MYH6: variants seen among roughly 807,000 people sequenced by gnomAD.
The protein encoded by MYH6 is myosin-6.
In MYH6, 126 loss-of-function variants were observed where a neutral mutation model predicts 223.2. That is an observed-to-expected ratio of 0.56 (90% CI 0.49 to 0.65). The LOEUF is 0.65. Ranked by LOEUF, MYH6 falls within the 30% of genes least tolerant of loss-of-function variation. The probability of loss-of-function intolerance (pLI) is 0.00; values close to 1 mark genes in which losing one functional copy is unlikely to be tolerated. For missense variants in MYH6, 2,040 were observed against 2,536.4 expected (o/e 0.80, Z 4.20); for synonymous variants, 978 against 1,010.2 (o/e 0.97, Z 0.61).
rs545420992 is a variant in MYH6, at chr14:23,390,321, G to A, written c.3468C>T (p.Gly1156=). The change falls in exon 26 of 39, where the codon GGC becomes GGT. Residue 1156 remains glycine, a synonymous_variant. Transcript: ENST00000405093. The stretch of plus-strand genomic sequence containing the variant: ...TCTCGATCTGCACGGACGTGGCCCC[G>A]CCGGCCTCTTCCAGCCGCTCGCTGA... ...EEISERLEEA[G]GATSVQIEMN... 2.9e-5 allele frequency: 46 copies of A among 1,606,584 alleles called. No individual in the cohort carries two copies. In the South Asian group the frequency reaches 2.9e-4, roughly 10 times the overall value.
intron 29 of MYH6, chr14:23,388,549 G>A (rs1312307846): frequency 1.1e-6 from 1 of 890,486 alleles, no homozygotes; most frequent in Non-Finnish European, 1.9e-6. Context: ...GGGTGTCAGT[G>A]CCCCCTGCCC....
rs759822161 is a variant in MYH6, at chr14:23,393,884, C to A, written c.2710G>T (p.Glu904Ter). The change falls in exon 22 of 39, where the codon GAG becomes TAG. Residue 904 changes from glutamate (E) to a stop codon, truncating the protein, a stop_gained. Transcript: ENST00000405093. LOFTEE classifies it high-confidence loss of function. Reference sequence around the variant, plus strand: ...TTGATCAGCTGGTCGCAGCGCTCCTCAGCATCATTGAGGTTGTCTTGTTCC... The same window carrying A: ...TTGATCAGCTGGTCGCAGCGCTCCTAAGCATCATTGAGGTTGTCTTGTTCC... ...QAEQDNLNDA[E>*]ERCDQLIKNK... is the part of the protein sequence containing the mutation. The A allele has an allele frequency of 6.2e-7, 1 of 1,614,210 alleles. No homozygotes were observed. Among genetic ancestry groups the A allele is most frequent in the East Asian group, 2.2e-5 (1 of 44,888 alleles).
Position 23,402,686 on chromosome 14 carries a change from C to T in MYH6, c.1002+11G>A. On this transcript the variant is annotated intron_variant, in intron 11 of 38. Coordinates refer to ENST00000405093, the MANE Select transcript of MYH6 (RefSeq NM_002471.4). ...GGTCCCTCGAACGGCCGCAGCAGCCCCCTCACTCACATCGGTGGCCATGAG... is the reference window on the plus strand; with the variant it reads ...GGTCCCTCGAACGGCCGCAGCAGCCTCCTCACTCACATCGGTGGCCATGAG... 1.2e-6 allele frequency: 2 copies of T among 1,613,544 alleles called. No homozygotes were observed. Among genetic ancestry groups the T allele is most frequent in the African/African-American group, 1.3e-5 (1 of 74,860 alleles).
Position 23,398,734 on chromosome 14 carries a change from C to A in MYH6, c.1885G>T (p.Asp629Tyr). 6.2e-7 allele frequency: 1 copy of A among 1,614,142 alleles called. No individual in the cohort carries two copies. Among genetic ancestry groups the A allele is most frequent in the South Asian group, 1.1e-5 (1 of 91,080 alleles). The change falls in exon 15 of 39, where the codon GAT becomes TAT. Residue 629 changes from aspartate to tyrosine, a missense_variant. Around this residue, in one of 4 missense-constraint regions of MYH6, gnomAD observed 649 missense variants for 877.3 expected, o/e 0.74. Transcript: ENST00000405093. ...ATLFSSYATA[D>Y]TGDSGKSKGG... ...GCAGGGGCTGCCTGCTTACCAGTATCGGCAGTTGCGTAGGAGGAGAAGAGA... is the reference window on the plus strand; with the variant it reads ...GCAGGGGCTGCCTGCTTACCAGTATAGGCAGTTGCGTAGGAGGAGAAGAGA...
In MYH6 at chr14:23,386,352, G is replaced by A. The variant is rs1242897954; in HGVS notation, c.4922C>T (p.Ala1641Val). The stretch of plus-strand genomic sequence containing the variant: ...CTGGAGGCTCTTGACTTGCTTCTGG[G>A]CCTCGGCAGCCATGCGGTTGGCGTG... The part of the protein sequence containing the change: ...LSHANRMAAE[A>V]QKQVKSLQSL... Residue 1641 changes from alanine (A) to valine (V), a missense_variant, in exon 33 of 39, where the codon GCC (alanine) becomes GTC (valine). Coordinates refer to ENST00000405093, the MANE Select transcript of MYH6 (RefSeq NM_002471.4). 1.2e-6 allele frequency: 2 copies of A among 1,613,998 alleles called. No individual in the cohort carries two copies. Among genetic ancestry groups the A allele is most frequent in the Non-Finnish European group, 1.7e-6 (2 of 1,180,044 alleles).
Position 23,405,912 on chromosome 14 carries a change from G to T in MYH6, c.202-142C>A. On this transcript the variant is annotated intron_variant, in intron 3 of 38. Coordinates refer to ENST00000405093, the MANE Select transcript of MYH6 (RefSeq NM_002471.4). This position sits in a 1 kb window ranked among gnomAD's most constrained non-coding sequence, Gnocchi z 4.7. The stretch of plus-strand genomic sequence containing the variant: ...TGACCAGTGCCCCGGCCCCTACCCC[G>T]ATGTCCCCTGGGACACTTTCCCCAG... 2.0e-6 allele frequency: 2 copies of T among 983,926 alleles called. No individual in the cohort carries two copies. Among genetic ancestry groups the T allele is most frequent in the African/African-American group, 1.6e-5 (1 of 62,846 alleles). The allele number at this position is 983,926 out of a possible 1,614,324, so 60.9% of individuals were successfully genotyped here.
intron 34 of MYH6, among the ~76,000 whole-genome samples, 182 bp from the exon 35 acceptor site, chr14:23,385,223 C>T (rs1164098173): frequency 2.0e-5 from 3 of 151,786 alleles, no homozygotes; most frequent in African/African-American, 7.3e-5. Context: ...ACATTCTAGA[C>T]ATTGTATCTA....
At position 23,405,248 on chromosome 14, in the gene MYH6, G is replaced by T. The variant is rs982752675; in HGVS notation, c.477C>A (p.Asp159Glu). The T allele has an allele frequency of 6.2e-6, 10 of 1,614,174 alleles. No homozygotes were observed. In the East Asian group the frequency reaches 2.2e-4, roughly 36 times the overall value. ...CTGTCAGCATGTACTGATAGGCGTT[G>T]TCGGAGATGGAGAAGATGTGGGGCG... ...EAPPHIFSIS[D>E]NAYQYMLTDR... Residue 159 changes from aspartate to glutamate, a missense_variant, in exon 5 of 39, where the codon GAC (aspartate) becomes GAA (glutamate). Physicochemically the swap from Asp to Glu is conservative, Grantham distance 45. Transcript: ENST00000405093. The surrounding 1 kb of genome is among the most constrained non-coding windows in gnomAD (Gnocchi z 4.7).
At chr14:23,389,932 G>T in intron 26 of MYH6, 125 bp downstream of exon 26, 1 of 1,585,812 alleles carries the variant, frequency 6.3e-7, no homozygotes, top group Non-Finnish European at 8.6e-7. Context: ...GGGGAGACAG[G>T]AAGAGAGACC....
rs2138599563 is a variant in MYH6, at chr14:23,394,122, C to T, written c.2631G>A (p.Glu877=). Residue 877 remains glutamate (E), a synonymous_variant, in exon 21 of 39, where the codon GAG becomes GAA. Transcript: ENST00000405093. ...KSEARRKELE[E]KMVSLLQEKN... ...TCTCCTGCAGCAGGGACACCATCTT[C>T]TCCTCCAGCTCCTTGCGGCGAGCCT... is the stretch of plus-strand genomic sequence containing the variant. 1 of 1,614,226 alleles carries T rather than the reference C, an allele frequency of 6.2e-7. No homozygotes were observed. The highest frequency in any genetic ancestry group is 8.5e-7 in the Non-Finnish European group (1 of 1,180,042).
At chr14:23,383,953 C>G (rs376178933) in intron 36 of MYH6, among the ~76,000 whole-genome samples, 35 of 152,252 alleles carry the variant, frequency 2.3e-4, no homozygotes, top group Middle Eastern at 6.8e-3. Flanking sequence ...GTCTCCTTGG[C>G]CTTTTCTTCC....
In MYH6 at chr14:23,405,020, T is replaced by C; in HGVS notation, c.530+80A>G. The C allele has an allele frequency of 6.2e-7, 1 of 1,603,468 alleles. No homozygotes were observed. The highest frequency in any genetic ancestry group is 8.5e-7 in the Non-Finnish European group (1 of 1,171,090). On this transcript the variant is annotated intron_variant, in intron 6 of 38. Coordinates refer to ENST00000405093, the MANE Select transcript of MYH6 (RefSeq NM_002471.4). The surrounding 1 kb of genome is among the most constrained non-coding windows in gnomAD (Gnocchi z 4.7). ...CTCCCTGCAATCCCAGCCTTAAACCTCTCCTCCCAACTACACCCTAGGCAT... is the reference window on the plus strand; with the variant it reads ...CTCCCTGCAATCCCAGCCTTAAACCCCTCCTCCCAACTACACCCTAGGCAT...
chr14:23,386,817 C>T (rs17091385), intron 32 of MYH6, among the ~76,000 whole-genome samples, 194 bp from the exon 33 acceptor site: 5,661 of 152,190 alleles, frequency 0.037, 316 homozygotes, highest in African/African-American at 0.12. Flanking sequence ...CTGGGCTTCC[C>T]CTGTCAAGAA....
Position 23,393,628 on chromosome 14 carries a change from A to C in MYH6, c.2928+38T>G, listed in dbSNP as rs1891304447. 6 of 1,614,058 alleles carry C rather than the reference A, an allele frequency of 3.7e-6. No individual in the cohort carries two copies. In the African/African-American group the frequency reaches 8.0e-5, roughly 22 times the overall value. ...ACAACACTCTAGTCTGGGAGTCTTG[A>C]GGAGACCTGGGCTGAAGCCAGAGGG... On this transcript the variant is annotated intron_variant, in intron 22 of 38. Transcript: ENST00000405093.
Position 23,397,525 on chromosome 14 carries a change from C to T in MYH6, c.1962+18G>A, listed in dbSNP as rs1891435248. 1.9e-6 allele frequency: 3 copies of T among 1,613,806 alleles called. No homozygotes were observed. Among genetic ancestry groups the T allele is most frequent in the Non-Finnish European group, 1.7e-6 (2 of 1,179,744 alleles). On this transcript the variant is annotated intron_variant, in intron 16 of 38. Coordinates refer to ENST00000405093, the MANE Select transcript of MYH6 (RefSeq NM_002471.4). ...GGCCATTCCACCAGGTGTCCTGGCA[C>T]CCCTGGGCCCTTCTTACCCGGTGGA...
rs963538281 is a variant in MYH6 at position 23,404,916 on chromosome 14, A to G, written c.531-94T>C. The G allele has an allele frequency of 1.4e-4, 206 of 1,486,586 alleles. No individual in the cohort carries two copies. In the Admixed American group the frequency reaches 3.5e-3, roughly 26 times the overall value. The allele number at this position is 1,486,586 out of a possible 1,614,324, so 92.1% of individuals were successfully genotyped here. ...TGCTCCCCTTCCCAGCCTGGCCATC[A>G]GAGCCCAGCACCCAGCAGGATTTGC... On this transcript the variant is annotated intron_variant, in intron 6 of 38. Transcript: ENST00000405093.
chr14:23,396,691 C>T lies in MYH6; in HGVS notation c.2292+3G>A, dbSNP rs756810459. On this transcript the variant is annotated splice_donor_region_variant and intron_variant, in intron 19 of 38. Coordinates refer to ENST00000405093, the MANE Select transcript of MYH6 (RefSeq NM_002471.4). ...CAACCACCCAGTGGGGCTCTAGACT[C>T]ACCTTGGTGTGGCCAAACTTGTACT... 6.2e-7 allele frequency: 1 copy of T among 1,614,044 alleles called. No homozygotes were observed. Among genetic ancestry groups the T allele is most frequent in the Non-Finnish European group, 8.5e-7 (1 of 1,179,882 alleles).
rs959246463 is a variant in MYH6, at chr14:23,390,134, G to A, written c.3655C>T (p.Leu1219=). 3 of 1,611,576 alleles carry A rather than the reference G, an allele frequency of 1.9e-6. No homozygotes were observed. The African/African-American group carries it at 4.0e-5, about 22-fold the overall frequency. ...IDNLQRVKQK[L]EKEKSEFKLE... Reference sequence around the variant, plus strand: ...TTGAACTCGCTCTTCTCCTTCTCCAGCTTCTGCTTCACCCGCTGCAGGTTG... The same window carrying A: ...TTGAACTCGCTCTTCTCCTTCTCCAACTTCTGCTTCACCCGCTGCAGGTTG... Residue 1219 remains leucine (L), a synonymous_variant, in exon 26 of 39, where the codon CTG becomes TTG. Coordinates refer to ENST00000405093, the MANE Select transcript of MYH6 (RefSeq NM_002471.4).
chr14:23,383,448 A>T, intron 36 of MYH6, 128 bp from the exon 37 acceptor site: 1 of 740,392 alleles, frequency 1.4e-6, no homozygotes, highest in Non-Finnish European at 2.3e-6. Flanking sequence ...CAGGTCAAAG[A>T]GGTGGTGGGG....
Sources: gnomAD v4.1 joint callset for allele counts (sites outside exome capture counted in the v4.1 genomes callset) on GRCh38, gnomAD v4.1.1 for gene constraint, gnomAD v4.1.1 regional missense constraint, Gnocchi (gnomAD v3.1) non-coding constraint, MANE v1.5 for transcripts, NCBI Gene and HGNC (gene_info 2026-07-23, HGNC 2026-07-21) for gene names.